CUX2: variants seen among roughly 807,000 people sequenced by gnomAD.
The protein encoded by CUX2 is cut like homeobox 2.
Under a neutral mutation model 144.8 loss-of-function variants are expected in CUX2, and 40 were observed. That is an observed-to-expected ratio of 0.28 (90% CI 0.21 to 0.36). CUX2 has a LOEUF of 0.36. Ranked by LOEUF, CUX2 falls within the 10% of genes least tolerant of loss-of-function variation. The probability of loss-of-function intolerance (pLI) is 1.00; values close to 1 mark genes in which losing one functional copy is unlikely to be tolerated. For synonymous variants in CUX2, 827 were observed against 875.6 expected, an observed-to-expected ratio of 0.94 and a Z score of 0.98; for missense variants, 1,615 against 1,994.0, an observed-to-expected ratio of 0.81 and a Z score of 3.62.
At chr12:111,121,822 T>C (rs1410428637) in intron 1 of CUX2, among the ~76,000 whole-genome samples, 1 of 152,086 alleles carries the variant, frequency 6.6e-6, no homozygotes, top group Non-Finnish European at 1.5e-5. Context: ...ATCTGACAGT[T>C]CTTGAATGCA....
chr12:111,156,371 C>A (rs1877372474), intron 1 of CUX2, among the ~76,000 whole-genome samples: 1 of 152,290 alleles, frequency 6.6e-6, no homozygotes, highest in East Asian at 1.9e-4. Flanking sequence ...CCATTCTAAA[C>A]TCCTTATTTC....
intron 1 of CUX2, among the ~76,000 whole-genome samples, chr12:111,167,279 G>A (rs1370809558): frequency 6.6e-6 from 1 of 152,082 alleles, no homozygotes; most frequent in Non-Finnish European, 1.5e-5. Context: ...TTCTTCCACT[G>A]TTCCCTATTT....
intron 3 of CUX2, among the ~76,000 whole-genome samples, chr12:111,239,332 T>TA (rs1882909136): frequency 6.6e-6 from 1 of 152,164 alleles, no homozygotes; most frequent in African/African-American, 2.4e-5. Context: ...CATTAGTTAT[T>TA]AATTAGGCCA....
intron 1 of CUX2, among the ~76,000 whole-genome samples, chr12:111,113,689 G>C (rs1874119499): frequency 6.6e-6 from 1 of 152,132 alleles, no homozygotes; most frequent in African/African-American, 2.4e-5. Flanking sequence ...TGAGTAGCTG[G>C]TACTATGGGC....
chr12:111,140,659 C>T (rs1159882170), intron 1 of CUX2, among the ~76,000 whole-genome samples: 4 of 152,084 alleles, frequency 2.6e-5, no homozygotes, highest in African/African-American at 9.7e-5. Flanking sequence ...TGCCGTGGTC[C>T]GAAGCTAAGG....
rs1592887924 is a variant in CUX2, at chr12:111,255,412, A to G, written c.223-8349A>G. Among the ~76,000 whole-genome samples the G allele has an allele frequency of 1.3e-5, 2 of 152,334 alleles. No homozygotes were observed. The highest frequency in any genetic ancestry group is 4.1e-4 in the South Asian group (2 of 4,830). On this transcript the variant is annotated intron_variant, in intron 3 of 21. Coordinates refer to ENST00000261726, the MANE Select transcript of CUX2 (RefSeq NM_015267.4). The surrounding 1 kb of genome is among the most constrained non-coding windows in gnomAD (Gnocchi z 4.1). ...AGAGCACGTTAGCACTCGCCAGGGA[A>G]CGGGGGCCCCAGCAGACACACCTGG...
At chr12:111,078,965 A>G (rs987955633) in intron 1 of CUX2, among the ~76,000 whole-genome samples, 3 of 152,230 alleles carry the variant, frequency 2.0e-5, no homozygotes, top group Admixed American at 6.5e-5. Flanking sequence ...AATGAGGCCT[A>G]TAGCCCCAAG....
At chr12:111,085,303 T>C (rs972217602) in intron 1 of CUX2, among the ~76,000 whole-genome samples, 4 of 152,190 alleles carry the variant, frequency 2.6e-5, no homozygotes, top group African/African-American at 7.2e-5. Context: ...CCCATGGAAA[T>C]TGGCAGATGC....
intron 1 of CUX2, among the ~76,000 whole-genome samples, chr12:111,056,171 C>G (rs1400382070): frequency 6.6e-6 from 1 of 152,160 alleles, no homozygotes; most frequent in Admixed American, 6.5e-5. Context: ...ATGGATCTGT[C>G]AGGGAAGGAG....
intron 1 of CUX2, among the ~76,000 whole-genome samples, chr12:111,134,614 C>CTGTGTGTGTGTGTGTGTGTGTGTG (rs1159711656): frequency 2.2e-4 from 32 of 144,254 alleles, no homozygotes; most frequent in African/African-American, 9.0e-4. Context: ...CTCTCTCTCT[C>CTGTGTGTGTGTGTGTGTGTGTGTG]TCTCTCTGTG....
At chr12:111,103,094 T>C (rs1592897815) in intron 1 of CUX2, among the ~76,000 whole-genome samples, 1 of 152,168 alleles carries the variant, frequency 6.6e-6, no homozygotes, top group African/African-American at 2.4e-5. Context: ...GACGGTCTTA[T>C]TGGATGGGGG....
intron 1 of CUX2, among the ~76,000 whole-genome samples, chr12:111,202,402 G>A (rs1484586924): frequency 2.0e-5 from 3 of 152,168 alleles, no homozygotes; most frequent in Non-Finnish European, 4.4e-5. Flanking sequence ...GGGGCTTGCC[G>A]ACAAGATAAT....
intron 3 of CUX2, among the ~76,000 whole-genome samples, chr12:111,233,380 T>C (rs1316997660): frequency 6.6e-6 from 1 of 152,236 alleles, no homozygotes; most frequent in Non-Finnish European, 1.5e-5. Context: ...CTTATTTATT[T>C]CATTCCTGAG....
In CUX2 at chr12:111,320,226, C is replaced by A; in HGVS notation, c.2217C>A (p.Asn739Lys). 1 of 1,564,950 alleles carries A rather than the reference C, an allele frequency of 6.4e-7. No individual in the cohort carries two copies. Among genetic ancestry groups the A allele is most frequent in the Non-Finnish European group, 8.6e-7 (1 of 1,163,562 alleles). The part of the protein sequence containing the change: ...ERPSLATASQ[N>K]GAPALVKQEE... ...CATCACTGGCCACCGCGAGCCAGAA[C>A]GGGGCCCCGGCCTTGGTGAAGCAGG... is the stretch of plus-strand genomic sequence containing the variant. Residue 739 changes from asparagine to lysine, a missense_variant, in exon 17 of 22, where the codon AAC (asparagine) becomes AAA (lysine). Coordinates refer to ENST00000261726, the MANE Select transcript of CUX2 (RefSeq NM_015267.4). This position sits in a 1 kb window ranked among gnomAD's most constrained non-coding sequence, Gnocchi z 8.1.
intron 1 of CUX2, among the ~76,000 whole-genome samples, chr12:111,202,346 A>G (rs2136210455): frequency 6.6e-6 from 1 of 152,358 alleles, no homozygotes; most frequent in East Asian, 1.9e-4. Context: ...AATATAAATC[A>G]GCAATCAAGG....
intron 1 of CUX2, among the ~76,000 whole-genome samples, chr12:111,132,196 G>A (rs1200156899): frequency 6.6e-6 from 1 of 152,212 alleles, no homozygotes; most frequent in Non-Finnish European, 1.5e-5. Flanking sequence ...GCCAAAGCTT[G>A]GGGCTTCTGC....
Position 111,320,757 on chromosome 12 carries a change from G to A in CUX2, c.2748G>A (p.Gln916=). The A allele has an allele frequency of 1.3e-6, 2 of 1,571,588 alleles. No individual in the cohort carries two copies. The highest frequency in any genetic ancestry group is 2.3e-5 in the South Asian group (2 of 88,814). ...KEKLAKNGIC[Q]RIFGEKVLGL... ...AGCTGGCCAAGAACGGCATCTGCCAGAGGATCTTCGGGGAGAAGGTGAGTG... is the reference window on the plus strand; with the variant it reads ...AGCTGGCCAAGAACGGCATCTGCCAAAGGATCTTCGGGGAGAAGGTGAGTG... Residue 916 remains glutamine (Q), a synonymous_variant, in exon 17 of 22, where the codon CAG becomes CAA. Transcript: ENST00000261726. The surrounding 1 kb of genome is among the most constrained non-coding windows in gnomAD (Gnocchi z 8.1).
chr12:111,038,446 C>G (rs1385255770), intron 1 of CUX2, among the ~76,000 whole-genome samples: 1 of 152,256 alleles, frequency 6.6e-6, no homozygotes, highest in Non-Finnish European at 1.5e-5. Context: ...TGGCATGGCT[C>G]AGCCCCCTGA....
chr12:111,051,852 G>T (rs1489097843), intron 1 of CUX2, among the ~76,000 whole-genome samples: 3 of 151,316 alleles, frequency 2.0e-5, no homozygotes, highest in African/African-American at 4.9e-5. Context: ...CTCTAATGTA[G>T]CATTTTAATT....
Sources: allele counts gnomAD v4.1 joint callset (sites outside exome capture counted in the v4.1 genomes callset), GRCh38; gene constraint gnomAD v4.1.1; non-coding constraint Gnocchi (gnomAD v3.1); transcripts MANE v1.5; gene names NCBI Gene and HGNC (gene_info 2026-07-23, HGNC 2026-07-21).